CFAP43: variants seen among roughly 807,000 people sequenced by gnomAD.
CFAP43 encodes cilia- and flagella-associated protein 43.
In CFAP43, 155 loss-of-function variants were observed where a neutral mutation model predicts 218.9. That is an observed-to-expected ratio of 0.71 (90% CI 0.62 to 0.81). The LOEUF is 0.81. Among genes scored for constraint, CFAP43 ranks in the 30% least tolerant of loss-of-function variants. The pLI is 0.00. For missense variants in CFAP43, 1,778 were observed against 1,954.3 expected (o/e 0.91, Z 1.70); for synonymous variants, 645 against 681.3 (o/e 0.95, Z 0.83).
Position 104,140,893 on chromosome 10 carries a change from ATCAGAATAC to A in CFAP43, c.4371_4379del (p.Glu1457_Ser1459del). 6.2e-7 allele frequency: 1 copy of A among 1,612,868 alleles called. No individual in the cohort carries two copies. The highest frequency in any genetic ancestry group is 1.1e-5 in the South Asian group (1 of 90,562). ...TTATGTTCTTGTTGATGAGAATTGCATCAGAATACTCCAGTACTAGCTGGAAATTTTCCA... is the reference window on the plus strand; with the variant it reads ...TTATGTTCTTGTTGATGAGAATTGCATCCAGTACTAGCTGGAAATTTTCCA... On this transcript the variant is annotated inframe_deletion, in exon 34 of 38. Coordinates refer to ENST00000357060, the MANE Select transcript of CFAP43 (RefSeq NM_025145.7).
chr10:104,210,931 C>T (rs1187878021), intron 5 of CFAP43, among the ~76,000 whole-genome samples: 2 of 151,856 alleles, frequency 1.3e-5, no homozygotes, highest in African/African-American at 4.8e-5. Context: ...GCTGGGATTA[C>T]AGGCGTCCGC....
chr10:104,164,036 A>C, intron 24 of CFAP43, 58 bp downstream of exon 24: 7 of 1,570,432 alleles, frequency 4.5e-6, no homozygotes, highest in Non-Finnish European at 6.1e-6. Context: ...TTGAACAAAT[A>C]GGAGCTGGGG....
At chr10:104,160,627 G>A (rs905099824) in intron 27 of CFAP43, among the ~76,000 whole-genome samples, 1 of 152,156 alleles carries the variant, frequency 6.6e-6, no homozygotes, top group African/African-American at 2.4e-5. Flanking sequence ...TATGCCATTT[G>A]TTATTCAAAC....
At chr10:104,176,828 T>C (rs1197716467) in intron 19 of CFAP43, among the ~76,000 whole-genome samples, 1 of 144,524 alleles carries the variant, frequency 6.9e-6, no homozygotes, top group East Asian at 2.3e-4. Flanking sequence ...TGAAATAACC[T>C]TCTCATCACT....
chr10:104,222,026 T>A (rs892704361), intron 3 of CFAP43, among the ~76,000 whole-genome samples: 1 of 152,234 alleles, frequency 6.6e-6, no homozygotes, highest in Non-Finnish European at 1.5e-5. Context: ...TTTTCAGAAT[T>A]GTTATTTTTA....
At chr10:104,175,756 C>T (rs541459914) in intron 19 of CFAP43, among the ~76,000 whole-genome samples, 113 of 152,292 alleles carry the variant, frequency 7.4e-4, no homozygotes, top group Non-Finnish European at 1.4e-3. Context: ...TGTGCCACCA[C>T]GCCCAAGTTT....
At chr10:104,135,185 T>C (rs982818165) in intron 34 of CFAP43, among the ~76,000 whole-genome samples, 9 of 84,014 alleles carry the variant, frequency 1.1e-4, no homozygotes, top group Non-Finnish European at 1.7e-4. Flanking sequence ...ACTTCAATGA[T>C]TAAAAAAAAT....
chr10:104,225,587 G>GTT (rs1478562542), intron 2 of CFAP43, 30 bp from the exon 3 acceptor site: 1 of 1,560,174 alleles, frequency 6.4e-7, no homozygotes, highest in Non-Finnish European at 8.8e-7. Context: ...ATCAGGATTT[G>GTT]ATTATGTTAA....
intron 5 of CFAP43, among the ~76,000 whole-genome samples, 173 bp downstream of exon 5, chr10:104,211,834 C>T (rs867012042): frequency 4.8e-4 from 73 of 152,318 alleles, no homozygotes; most frequent in Middle Eastern, 3.4e-3. Flanking sequence ...GTCATCCAAA[C>T]TCAAAACTCC....
chr10:104,207,586 AAGAAAG>A, intron 6 of CFAP43, 73 bp downstream of exon 6: 4 of 1,403,926 alleles, frequency 2.8e-6, no homozygotes, highest in Non-Finnish European at 2.9e-6. Context: ...AGATGTCTCC[AAGAAAG>A]AGAAAAATAG....
intron 8 of CFAP43, among the ~76,000 whole-genome samples, chr10:104,200,246 G>C (rs185613749): frequency 4.6e-5 from 7 of 152,268 alleles, no homozygotes; most frequent in Non-Finnish European, 8.8e-5. Context: ...AGTTGGTCCA[G>C]TGATATTTTC....
chr10:104,212,314 A>G (rs1033401090), intron 4 of CFAP43, among the ~76,000 whole-genome samples, 157 bp from the exon 5 acceptor site: 5 of 152,236 alleles, frequency 3.3e-5, no homozygotes, highest in African/African-American at 1.2e-4. Flanking sequence ...AATATATAAC[A>G]GGTTGTAAAA....
chr10:104,183,603 A>G (rs2089931338), intron 16 of CFAP43, among the ~76,000 whole-genome samples: 1 of 151,914 alleles, frequency 6.6e-6, no homozygotes, highest in South Asian at 2.1e-4. Flanking sequence ...GTTAGCCAGG[A>G]TGGTCTCGAT....
At chr10:104,137,774 C>T (rs1390778816) in intron 34 of CFAP43, among the ~76,000 whole-genome samples, 1 of 152,054 alleles carries the variant, frequency 6.6e-6, no homozygotes, top group East Asian at 1.9e-4. Context: ...GCACTCCAGC[C>T]CAGATGACAG....
intron 3 of CFAP43, among the ~76,000 whole-genome samples, chr10:104,224,793 T>C (rs1304010902): frequency 6.6e-6 from 1 of 150,376 alleles, no homozygotes; most frequent in Non-Finnish European, 1.5e-5. Context: ...ATAAACTAAA[T>C]GTGGCTCCCT....
chr10:104,214,524 T>C, intron 3 of CFAP43, 98 bp from the exon 4 acceptor site: 1 of 1,038,814 alleles, frequency 9.6e-7, no homozygotes, highest in Non-Finnish European at 1.3e-6. Context: ...TGGGATATAA[T>C]TTATGATACA....
At chr10:104,217,526 C>T (rs1242163864) in intron 3 of CFAP43, among the ~76,000 whole-genome samples, 7 of 152,204 alleles carry the variant, frequency 4.6e-5, no homozygotes, top group Non-Finnish European at 1.0e-4. Flanking sequence ...ATAGGACCCA[C>T]TCCGGCACCC....
At chr10:104,152,966 G>T (rs946640517) in intron 27 of CFAP43, among the ~76,000 whole-genome samples, 3 of 152,070 alleles carry the variant, frequency 2.0e-5, no homozygotes, top group African/African-American at 7.2e-5. Flanking sequence ...ACTGATCATG[G>T]CTAATGATAC....
chr10:104,137,820 A>AAAAC (rs1267726322), intron 34 of CFAP43, among the ~76,000 whole-genome samples: 2 of 152,156 alleles, frequency 1.3e-5, no homozygotes, highest in Non-Finnish European at 2.9e-5. Flanking sequence ...AAAACAAAAC[A>AAAAC]AAACAAAAAT....
Sources: gnomAD v4.1 joint callset for allele counts (sites outside exome capture counted in the v4.1 genomes callset) on GRCh38, gnomAD v4.1.1 for gene constraint, MANE v1.5 for transcripts, NCBI Gene and HGNC (gene_info 2026-07-23, HGNC 2026-07-21) for gene names.